The following DMRT1 variants were observed in gnomAD, a reference collection of about 807,000 sequenced individuals.
DMRT1 encodes the protein doublesex- and mab-3-related transcription factor 1.
DMRT1 carries 7 observed loss-of-function variants against 32.3 expected under a neutral mutation model. The observed-to-expected ratio is 0.22, with a 90% CI of 0.12 to 0.41. The LOEUF (loss-of-function observed/expected upper bound fraction) is 0.41, where lower values mean the gene tolerates loss of function less well. DMRT1 is among the 10% of genes least tolerant of loss of function. The probability of loss-of-function intolerance (pLI) is 1.00; values close to 1 mark genes in which losing one functional copy is unlikely to be tolerated. For synonymous variants in DMRT1, 278 were observed against 206.1 expected, an observed-to-expected ratio of 1.35 and a Z score of -2.99; for missense variants, 625 against 500.5, an observed-to-expected ratio of 1.25 and a Z score of -2.37.
At chr9:903,273 C>T (rs2129688224) in intron 3 of DMRT1, among the ~76,000 whole-genome samples, 1 of 152,088 alleles carries the variant, frequency 6.6e-6, no homozygotes, top group South Asian at 2.1e-4. Context: ...CCACCCCCAC[C>T]CACATTACTC....
intron 2 of DMRT1, among the ~76,000 whole-genome samples, chr9:878,978 G>T (rs540670038): frequency 3.2e-4 from 48 of 152,214 alleles, no homozygotes; most frequent in African/African-American, 1.1e-3. Flanking sequence ...GTGCTGCCTG[G>T]CCATATTGTG....
At chr9:936,387 T>C (rs1264622814) in intron 4 of DMRT1, among the ~76,000 whole-genome samples, 1 of 152,168 alleles carries the variant, frequency 6.6e-6, no homozygotes, top group Non-Finnish European at 1.5e-5. Flanking sequence ...GGCTTTCTTC[T>C]TGGCTTTTTT....
At chr9:947,714 C>G (rs1819293480) in intron 4 of DMRT1, among the ~76,000 whole-genome samples, 1 of 152,112 alleles carries the variant, frequency 6.6e-6, no homozygotes, top group Non-Finnish European at 1.5e-5. Flanking sequence ...GCCTCCGCCT[C>G]CCGACCAACC....
At chr9:941,586 GA>G (rs1212804043) in intron 4 of DMRT1, among the ~76,000 whole-genome samples, 1 of 152,066 alleles carries the variant, frequency 6.6e-6, no homozygotes, top group Non-Finnish European at 1.5e-5. Context: ...TACAGTTTGA[GA>G]ACATAAAAAG....
At chr9:955,424 G>A (rs1460411478) in intron 4 of DMRT1, among the ~76,000 whole-genome samples, 1 of 152,218 alleles carries the variant, frequency 6.6e-6, no homozygotes, top group Non-Finnish European at 1.5e-5. Context: ...CAAAAAACTT[G>A]GCTGGTGTGG....
intron 4 of DMRT1, among the ~76,000 whole-genome samples, chr9:934,570 T>TTGCCAAA (rs780073003): frequency 8.5e-5 from 13 of 152,210 alleles, no homozygotes; most frequent in Non-Finnish European, 1.9e-4. Flanking sequence ...AGAGAAGTCA[T>TTGCCAAA]TGCCAAATCT....
intron 2 of DMRT1, among the ~76,000 whole-genome samples, chr9:852,754 G>A (rs1163259590): frequency 6.6e-6 from 1 of 152,088 alleles, no homozygotes; most frequent in Non-Finnish European, 1.5e-5. Context: ...AAACCACCTC[G>A]GGCCCCCCTG....
intron 2 of DMRT1, among the ~76,000 whole-genome samples, chr9:860,232 G>A (rs1218256697): frequency 6.6e-6 from 1 of 152,162 alleles, no homozygotes; most frequent in African/African-American, 2.4e-5. Flanking sequence ...TGGAGGCGGA[G>A]GTTGCAGGGA....
At chr9:931,127 G>T (rs1482686759) in intron 4 of DMRT1, among the ~76,000 whole-genome samples, 5 of 152,118 alleles carry the variant, frequency 3.3e-5, no homozygotes, top group Admixed American at 6.5e-5. Flanking sequence ...GTGGTCTTTT[G>T]TGTCCGACTT....
Position 847,052 on chromosome 9 carries a change from A to G in DMRT1, c.447A>G (p.Arg149=). ...GTGCGGCCGAGCTGCTTGTCAAAAG[A>G]GAGAACAATGGCAGTAACCCGTGCC... is the stretch of plus-strand genomic sequence containing the variant. ...LPSAAELLVK[R]ENNGSNPCLM... The change falls in exon 2 of 5, where the codon AGA becomes AGG. Residue 149 remains arginine (R), a synonymous_variant. Coordinates refer to ENST00000382276, the MANE Select transcript of DMRT1 (RefSeq NM_021951.3). The G allele has an allele frequency of 1.2e-6, 2 of 1,614,106 alleles. No individual in the cohort carries two copies. The highest frequency in any genetic ancestry group is 1.7e-6 in the Non-Finnish European group (2 of 1,180,050).
rs1427033296 is a variant in DMRT1, at chr9:855,865, C to CA, written c.538+8723dup. On this transcript the variant is annotated intron_variant, in intron 2 of 4. Coordinates refer to ENST00000382276, the MANE Select transcript of DMRT1 (RefSeq NM_021951.3). ...AACTCCTGGGCTCAAGTGATCTTCT[C>CA]ACCTTGGCCTCCCAAAGTGCTGGGA... Among the ~76,000 whole-genome samples the CA allele has an allele frequency of 3.9e-5, 6 of 152,182 alleles. No individual in the cohort carries two copies. The East Asian group carries it at 1.2e-3, about 29-fold the overall frequency.
chr9:915,407 G>T (rs1487475569), intron 3 of DMRT1, among the ~76,000 whole-genome samples: 11 of 152,170 alleles, frequency 7.2e-5, no homozygotes, highest in Admixed American at 7.2e-4. Flanking sequence ...CACAGGGAAT[G>T]AACTGCTTCT....
At chr9:903,451 A>G (rs1334529524) in intron 3 of DMRT1, among the ~76,000 whole-genome samples, 1 of 152,212 alleles carries the variant, frequency 6.6e-6, no homozygotes, top group African/African-American at 2.4e-5. Flanking sequence ...CTTTCCTTGA[A>G]GGAATTGCTG....
At chr9:887,101 G>C (rs1049855091) in intron 2 of DMRT1, among the ~76,000 whole-genome samples, 2 of 152,204 alleles carry the variant, frequency 1.3e-5, no homozygotes, top group Non-Finnish European at 2.9e-5. Context: ...TGAGGCAGGA[G>C]AATCACTTGA....
chr9:935,403 T>G (rs762332873), intron 4 of DMRT1, among the ~76,000 whole-genome samples: 8 of 152,206 alleles, frequency 5.3e-5, no homozygotes, highest in Non-Finnish European at 1.0e-4. Flanking sequence ...CAATGTGTAG[T>G]TGTTTTAATT....
chr9:891,917 G>A (rs915300865), intron 2 of DMRT1, among the ~76,000 whole-genome samples: 2 of 152,212 alleles, frequency 1.3e-5, no homozygotes, highest in Non-Finnish European at 2.9e-5. Flanking sequence ...GACCCACTGT[G>A]TCTGGCAGTG....
At chr9:880,413 A>G (rs1438769580) in intron 2 of DMRT1, among the ~76,000 whole-genome samples, 3 of 152,206 alleles carry the variant, frequency 2.0e-5, no homozygotes, top group African/African-American at 7.2e-5. Context: ...GCGATGAGGA[A>G]TATGCGAGCA....
chr9:867,499 G>A (rs1358396082), intron 2 of DMRT1, among the ~76,000 whole-genome samples: 1 of 152,198 alleles, frequency 6.6e-6, no homozygotes, highest in East Asian at 1.9e-4. Context: ...CTGCCTTGTG[G>A]CAGGTGTTGT....
intron 2 of DMRT1, among the ~76,000 whole-genome samples, chr9:855,723 A>G (rs747081009): frequency 3.3e-5 from 5 of 152,070 alleles, no homozygotes; most frequent in South Asian, 2.1e-4. Context: ...GGGCTCAGCA[A>G]TTCTTCCACT....
Sources: gnomAD v4.1 joint callset for allele counts (sites outside exome capture counted in the v4.1 genomes callset) on GRCh38, gnomAD v4.1.1 for gene constraint, MANE v1.5 for transcripts, NCBI Gene and HGNC (gene_info 2026-07-23, HGNC 2026-07-21) for gene names.